The following SPOCK3 variants were observed in gnomAD, a reference collection of about 807,000 sequenced individuals.
SPOCK3 encodes the protein SPARC (osteonectin), cwcv and kazal like domains proteoglycan 3, also known as testican-3.
SPOCK3 carries 30 observed loss-of-function variants against 56.6 expected under a neutral mutation model. That is an observed-to-expected ratio of 0.53 (90% CI 0.40 to 0.72). The LOEUF is 0.72. Among genes scored for constraint, SPOCK3 ranks in the 30% least tolerant of loss-of-function variants. The pLI, the probability that SPOCK3 is intolerant of heterozygous loss-of-function variation, is 0.00. For missense variants in SPOCK3, 527 were observed against 530.0 expected, an observed-to-expected ratio of 0.99 and a Z score of 0.06; for synonymous variants, 196 against 183.3, an observed-to-expected ratio of 1.07 and a Z score of -0.56.
chr4:166,972,346 A>T (rs1199060037), intron 4 of SPOCK3, among the ~76,000 whole-genome samples: 1 of 152,160 alleles, frequency 6.6e-6, no homozygotes, highest in Non-Finnish European at 1.5e-5. Flanking sequence ...GCTGGCCTTC[A>T]TCACTCAGCA....
At position 167,109,393 on chromosome 4, in the gene SPOCK3, A is replaced by ATATTTATATAAAATATATAAATG. The variant is rs1561225317; in HGVS notation, c.190-46857_190-46856insCATTTATATATTTTATATAAATA. ...ATATATTTATATAAAATATATAAAT[A>ATATTTATATAAAATATATAAATG]TATATTTATATATAAATATATATAT... On this transcript the variant is annotated intron_variant, in intron 2 of 10. Transcript: ENST00000357545. Among the ~76,000 whole-genome samples, 99 of 92,022 alleles carry ATATTTATATAAAATATATAAATG rather than the reference A, an allele frequency of 1.1e-3. 1 individual carries two copies. Among genetic ancestry groups the ATATTTATATAAAATATATAAATG allele is most frequent in the African/African-American group, 4.2e-3 (95 of 22,612 alleles). The allele number at this position is 92,022 out of a possible 152,430, so 60.4% of individuals were successfully genotyped here.
intron 5 of SPOCK3, among the ~76,000 whole-genome samples, chr4:166,907,095 G>T (rs889034827): frequency 1.3e-5 from 2 of 152,018 alleles, no homozygotes; most frequent in African/African-American, 4.8e-5. Flanking sequence ...TATATATGAG[G>T]TTATGAAAGT....
Position 166,889,152 on chromosome 4 carries a change from A to G in SPOCK3, c.567T>C (p.Ser189=). Residue 189 remains serine, a synonymous_variant, in exon 6 of 11, where the codon AGT becomes AGC. Transcript: ENST00000357545. ...HCPCPSDKPT[S]TSRNVKRACS... ...TACCTCTCTTAACATTTCTGCTTGT[A>G]CTGGTGGGCTTATCTGAAGGACATG... 1 of 1,608,518 alleles carries G rather than the reference A, an allele frequency of 6.2e-7. No individual in the cohort carries two copies. Among genetic ancestry groups the G allele is most frequent in the Non-Finnish European group, 8.5e-7 (1 of 1,175,480 alleles).
At chr4:167,183,550 G>A (rs960871118) in intron 2 of SPOCK3, among the ~76,000 whole-genome samples, 1 of 152,006 alleles carries the variant, frequency 6.6e-6, no homozygotes. Context: ...GTGCTTTCAT[G>A]ATAAAAAAAG....
At chr4:166,934,135 G>A (rs1444714251) in intron 4 of SPOCK3, among the ~76,000 whole-genome samples, 3 of 152,018 alleles carry the variant, frequency 2.0e-5, no homozygotes, top group Non-Finnish European at 2.9e-5. Flanking sequence ...GAAAACAATG[G>A]AGAAAAATGA....
chr4:166,965,347 A>T (rs1579827397), intron 4 of SPOCK3, among the ~76,000 whole-genome samples: 3 of 146,068 alleles, frequency 2.1e-5, no homozygotes, highest in Admixed American at 1.4e-4. Flanking sequence ...CTGCCTTTAG[A>T]GTTTTTGTAG....
At chr4:167,183,456 G>C (rs192958213) in intron 2 of SPOCK3, among the ~76,000 whole-genome samples, 10 of 151,744 alleles carry the variant, frequency 6.6e-5, no homozygotes, top group Non-Finnish European at 1.3e-4. Context: ...GAAAAAAAAT[G>C]ACACCTCTTT....
At chr4:166,961,210 T>A (rs12511619) in intron 4 of SPOCK3, among the ~76,000 whole-genome samples, 82,974 of 150,548 alleles carry the variant, frequency 0.55, 25,549 homozygotes, top group East Asian at 0.85. Context: ...ACATCAATTT[T>A]AAAAAAAACC....
intron 4 of SPOCK3, among the ~76,000 whole-genome samples, chr4:166,965,857 A>C (rs909251761): frequency 6.6e-6 from 1 of 152,072 alleles, no homozygotes; most frequent in Non-Finnish European, 1.5e-5. Context: ...TTATAATCAC[A>C]CAAAATCTAT....
At chr4:166,977,493 T>C (rs769446924) in intron 4 of SPOCK3, among the ~76,000 whole-genome samples, 2 of 152,118 alleles carry the variant, frequency 1.3e-5, no homozygotes, top group Non-Finnish European at 2.9e-5. Context: ...TCTGATAATA[T>C]TGTATCTTTT....
At chr4:167,027,442 T>C (rs1401347237) in intron 3 of SPOCK3, among the ~76,000 whole-genome samples, 1 of 151,932 alleles carries the variant, frequency 6.6e-6, no homozygotes, top group Non-Finnish European at 1.5e-5. Context: ...TGTTTGGGGA[T>C]TTTCTTTGTA....
chr4:166,838,850 T>C (rs974626984), intron 6 of SPOCK3, among the ~76,000 whole-genome samples: 3 of 150,022 alleles, frequency 2.0e-5, no homozygotes, highest in African/African-American at 4.9e-5. Flanking sequence ...GTAATCCAGC[T>C]ACCTGGGAGG....
At chr4:166,950,743 C>T (rs1290369993) in intron 4 of SPOCK3, among the ~76,000 whole-genome samples, 1 of 149,954 alleles carries the variant, frequency 6.7e-6, no homozygotes, top group Non-Finnish European at 1.5e-5. Context: ...ATCTCTCAGA[C>T]CACAGTGCAA....
chr4:166,941,152 G>A (rs539299169), intron 4 of SPOCK3, among the ~76,000 whole-genome samples: 1 of 152,134 alleles, frequency 6.6e-6, no homozygotes, highest in Non-Finnish European at 1.5e-5. Context: ...AGGGCTGTCA[G>A]CCAGAAGCTA....
chr4:167,032,603 CCT>C, intron 3 of SPOCK3, among the ~76,000 whole-genome samples: 1 of 151,720 alleles, frequency 6.6e-6, no homozygotes, highest in South Asian at 2.1e-4. Context: ...CTAACTGACT[CCT>C]GAGACCTTAG....
chr4:166,842,799 C>T (rs1342461768), intron 6 of SPOCK3, among the ~76,000 whole-genome samples: 10 of 152,342 alleles, frequency 6.6e-5, no homozygotes, highest in Admixed American at 3.9e-4. Context: ...GTGCCAGAGC[C>T]GTGGGCGGAG....
chr4:166,772,493 T>C (rs1054581088), intron 7 of SPOCK3, among the ~76,000 whole-genome samples: 24 of 152,150 alleles, frequency 1.6e-4, no homozygotes, highest in Admixed American at 1.6e-3. Context: ...AGAAATTGCA[T>C]ATGAAATATT....
chr4:166,854,947 C>T (rs908863682), intron 6 of SPOCK3, among the ~76,000 whole-genome samples: 4 of 152,152 alleles, frequency 2.6e-5, no homozygotes, highest in Admixed American at 6.5e-5. Context: ...CATTGACATG[C>T]TGAACTGAAG....
chr4:167,234,045 T>C lies in SPOCK3; in HGVS notation c.129A>G (p.Gln43=), dbSNP rs781125790. Residue 43 remains glutamine, a synonymous_variant, in exon 2 of 11, where the codon CAA becomes CAG. Coordinates refer to ENST00000357545, the MANE Select transcript of SPOCK3 (RefSeq NM_001040159.2). ...CATACTGAGAGATTGTGGTGAGCCATTGTTTATCATCCAGAAAATTACCGC... is the reference window on the plus strand; with the variant it reads ...CATACTGAGAGATTGTGGTGAGCCACTGTTTATCATCCAGAAAATTACCGC... ...SDGGNFLDDK[Q]WLTTISQYDK... 1.7e-5 allele frequency: 27 copies of C among 1,613,858 alleles called. No homozygotes were observed. The Admixed American group carries it at 3.2e-4, about 19-fold the overall frequency.
Sources: gnomAD v4.1 joint callset for allele counts (sites outside exome capture counted in the v4.1 genomes callset) on GRCh38, gnomAD v4.1.1 for gene constraint, MANE v1.5 for transcripts, NCBI Gene and HGNC (gene_info 2026-07-23, HGNC 2026-07-21) for gene names.